Variants in DPYD observed in about 807,000 individuals in gnomAD.
The protein encoded by DPYD is dihydropyrimidine dehydrogenase [NADP(+)].
A neutral mutation model predicts 116.2 loss-of-function variants in DPYD; 109 were observed. The ratio of observed to expected loss-of-function variants is 0.94; its 90% confidence interval spans 0.80 to 1.10. The LOEUF is 1.10. DPYD is among the 50% of genes least tolerant of loss of function. The pLI, the probability that DPYD is intolerant of heterozygous loss-of-function variation, is 0.00. For missense variants in DPYD, 1,302 were observed against 1,254.5 expected, an observed-to-expected ratio of 1.04 and a Z score of -0.57; for synonymous variants, 440 against 432.0, an observed-to-expected ratio of 1.02 and a Z score of -0.23.
intron 2 of DPYD, among the ~76,000 whole-genome samples, chr1:97,839,575 A>C (rs1443658838): frequency 1.3e-5 from 2 of 151,780 alleles, no homozygotes; most frequent in Non-Finnish European, 2.9e-5. Flanking sequence ...AATTCCAAAA[A>C]CTTCTCAATA....
At chr1:97,619,765 T>C (rs2100767587) in intron 8 of DPYD, among the ~76,000 whole-genome samples, 1 of 152,292 alleles carries the variant, frequency 6.6e-6, no homozygotes, top group African/African-American at 2.4e-5. Context: ...CTAGGAAATT[T>C]GAAGGTAACT....
chr1:97,580,308 A>C (rs1012474273), intron 10 of DPYD, among the ~76,000 whole-genome samples: 4 of 152,234 alleles, frequency 2.6e-5, no homozygotes. Context: ...AAAACCTAAA[A>C]ATATTATTTA....
At chr1:97,122,965 A>G (rs1378237122) in intron 20 of DPYD, among the ~76,000 whole-genome samples, 2 of 152,158 alleles carry the variant, frequency 1.3e-5, no homozygotes, top group Non-Finnish European at 2.9e-5. Context: ...CAAATTAAAT[A>G]TAAGGTTGCC....
chr1:97,850,576 A>G (rs1670520260), intron 2 of DPYD, among the ~76,000 whole-genome samples: 1 of 116,046 alleles, frequency 8.6e-6, no homozygotes, highest in Non-Finnish European at 1.9e-5. Flanking sequence ...AATATCTAAA[A>G]TATCAGCCTC....
intron 8 of DPYD, among the ~76,000 whole-genome samples, chr1:97,678,750 T>C (rs1660280687): frequency 6.6e-6 from 1 of 152,144 alleles, no homozygotes. Flanking sequence ...CTTTAATCAA[T>C]TGTTTTTATC....
At chr1:97,620,187 G>A (rs1276263096) in intron 8 of DPYD, among the ~76,000 whole-genome samples, 1 of 151,986 alleles carries the variant, frequency 6.6e-6, no homozygotes, top group Non-Finnish European at 1.5e-5. Flanking sequence ...TACCCATTTT[G>A]AAGGCATTTA....
chr1:97,113,280 T>A (rs1294196382), intron 20 of DPYD, among the ~76,000 whole-genome samples: 2 of 152,148 alleles, frequency 1.3e-5, no homozygotes, highest in Non-Finnish European at 1.5e-5. Flanking sequence ...GGTTTTTCCA[T>A]TTAGGGATAA....
chr1:97,612,782 C>T (rs1656027229), intron 8 of DPYD, among the ~76,000 whole-genome samples: 1 of 151,984 alleles, frequency 6.6e-6, no homozygotes, highest in African/African-American at 2.4e-5. Context: ...CTTGTTTCTT[C>T]AATCCCTCAT....
intron 21 of DPYD, among the ~76,000 whole-genome samples, chr1:97,091,062 T>C (rs1570438318): frequency 1.3e-5 from 2 of 152,326 alleles, no homozygotes; most frequent in South Asian, 4.1e-4. Flanking sequence ...TATTGTTGCA[T>C]TCCCAACCAG....
chr1:97,865,595 AT>A (rs1671336206), intron 2 of DPYD, among the ~76,000 whole-genome samples: 1 of 151,864 alleles, frequency 6.6e-6, no homozygotes, highest in South Asian at 2.1e-4. Flanking sequence ...TAGGCAGTAA[AT>A]TTTTTTCTAA....
intron 2 of DPYD, among the ~76,000 whole-genome samples, chr1:97,876,794 C>A (rs920505045): frequency 6.6e-6 from 1 of 151,924 alleles, no homozygotes; most frequent in African/African-American, 2.4e-5. Context: ...TTTTAGAAGT[C>A]ACGTTTTCAG....
chr1:97,249,326 G>A (rs1217803264), intron 18 of DPYD, among the ~76,000 whole-genome samples: 1 of 151,874 alleles, frequency 6.6e-6, no homozygotes, highest in South Asian at 2.1e-4. Flanking sequence ...GTTCAATGAG[G>A]GGAAAAAAGC....
intron 20 of DPYD, among the ~76,000 whole-genome samples, chr1:97,099,359 T>G (rs1249349488): frequency 6.6e-6 from 1 of 152,080 alleles, no homozygotes; most frequent in Admixed American, 6.6e-5. Flanking sequence ...TTCAAGGTTA[T>G]CCAATTGTAC....
intron 16 of DPYD, among the ~76,000 whole-genome samples, chr1:97,338,751 T>G (rs1331141901): frequency 2.0e-5 from 3 of 152,096 alleles, no homozygotes; most frequent in Non-Finnish European, 4.4e-5. Flanking sequence ...CAGACAAAAT[T>G]GCCATTGCAC....
intron 3 of DPYD, among the ~76,000 whole-genome samples, chr1:97,796,039 T>C (rs143254880): frequency 3.5e-4 from 54 of 152,176 alleles, no homozygotes; most frequent in African/African-American, 1.3e-3. Flanking sequence ...TGAAAATTCA[T>C]TTGTACACAT....
At chr1:97,355,425 C>T (rs1209393788) in intron 16 of DPYD, among the ~76,000 whole-genome samples, 1 of 152,106 alleles carries the variant, frequency 6.6e-6, no homozygotes, top group Non-Finnish European at 1.5e-5. Context: ...ACTCTCTTAG[C>T]AATTTTGAAA....
intron 1 of DPYD, 62 bp from the exon 2 acceptor site, chr1:97,883,436 T>A: frequency 8.3e-7 from 1 of 1,210,432 alleles, no homozygotes; most frequent in Non-Finnish European, 1.2e-6. Context: ...TTTAAACTTA[T>A]TTTTATTTTA....
intron 13 of DPYD, among the ~76,000 whole-genome samples, chr1:97,510,324 T>C (rs1647687118): frequency 6.9e-6 from 1 of 145,980 alleles, no homozygotes; most frequent in Non-Finnish European, 1.5e-5. Context: ...GTGATTGCTA[T>C]GTGCCTTCCA....
intron 1 of DPYD, among the ~76,000 whole-genome samples, chr1:97,895,384 T>A (rs1309278915): frequency 6.6e-6 from 1 of 151,776 alleles, no homozygotes; most frequent in Non-Finnish European, 1.5e-5. Context: ...AAGGGAAAGA[T>A]GAAAGCAGGA....
Sources: allele counts gnomAD v4.1 joint callset (sites outside exome capture counted in the v4.1 genomes callset), GRCh38; gene constraint gnomAD v4.1.1; transcripts MANE v1.5; gene names NCBI Gene and HGNC (gene_info 2026-07-23, HGNC 2026-07-21).